Variants in TUT4 observed in about 807,000 individuals in gnomAD.
TUT4 encodes the protein terminal uridylyltransferase 4.
In TUT4, 36 loss-of-function variants were observed where a neutral mutation model predicts 192.2. The observed-to-expected ratio is 0.19, with a 90% CI of 0.14 to 0.25. The LOEUF is 0.25. TUT4 is among the 10% of genes least tolerant of loss of function. The pLI, the probability that TUT4 is intolerant of heterozygous loss-of-function variation, is 1.00. For missense variants in TUT4, 1,493 were observed against 1,957.2 expected (o/e 0.76, Z 4.47); for synonymous variants, 618 against 666.0 (o/e 0.93, Z 1.11).
At chr1:52,451,821 C>A (rs1570433108) in intron 20 of TUT4, among the ~76,000 whole-genome samples, 1 of 141,820 alleles carries the variant, frequency 7.1e-6, no homozygotes, top group Admixed American at 7.1e-5. Context: ...CCAGCCTGGG[C>A]AACAGAGTGA....
At chr1:52,429,970 A>C (rs1651509615) in intron 28 of TUT4, among the ~76,000 whole-genome samples, 2 of 151,864 alleles carry the variant, frequency 1.3e-5, no homozygotes, top group South Asian at 4.2e-4. Flanking sequence ...ATGTATTTTA[A>C]AGCTGGATGT....
At chr1:52,444,064 CCT>C (rs1354922796) in intron 24 of TUT4, among the ~76,000 whole-genome samples, 4 of 152,064 alleles carry the variant, frequency 2.6e-5, no homozygotes, top group African/African-American at 7.2e-5. Context: ...GGTGAAATCC[CCT>C]CTCTACTAAA....
At chr1:52,541,200 CTCTG>C (rs902196627) in intron 1 of TUT4, among the ~76,000 whole-genome samples, 2 of 144,260 alleles carry the variant, frequency 1.4e-5, no homozygotes, top group African/African-American at 5.2e-5. Flanking sequence ...CAGAGCGAGA[CTCTG>C]TCTTAAAAAA....
chr1:52,523,994 T>C (rs1681017901), intron 2 of TUT4, among the ~76,000 whole-genome samples: 1 of 152,168 alleles, frequency 6.6e-6, no homozygotes, highest in Non-Finnish European at 1.5e-5. Flanking sequence ...AAAAAAAGAT[T>C]ATAAAAGAAA....
At chr1:52,540,514 CAAA>C (rs541547657) in intron 1 of TUT4, among the ~76,000 whole-genome samples, 1 of 113,002 alleles carries the variant, frequency 8.8e-6, no homozygotes, top group Admixed American at 9.9e-5. Context: ...GACTCCGACT[CAAA>C]AAAAAAAAAA....
At chr1:52,441,744 G>A (rs1223934650) in intron 24 of TUT4, among the ~76,000 whole-genome samples, 1 of 152,122 alleles carries the variant, frequency 6.6e-6, no homozygotes, top group African/African-American at 2.4e-5. Flanking sequence ...ACTTAAAATT[G>A]TCTAGCTTTT....
At chr1:52,546,871 C>T (rs116729263) in intron 1 of TUT4, among the ~76,000 whole-genome samples, 2,234 of 152,088 alleles carry the variant, frequency 0.015, 50 homozygotes, top group African/African-American at 0.049. Flanking sequence ...ATGGCTCATA[C>T]CTGTAATCCT....
chr1:52,442,271 G>A (rs1655878780), intron 24 of TUT4, among the ~76,000 whole-genome samples: 1 of 151,752 alleles, frequency 6.6e-6, no homozygotes, highest in Admixed American at 6.6e-5. Context: ...GGGACAAAAT[G>A]GGTCAATATA....
At chr1:52,512,797 G>A (rs1313631229) in intron 3 of TUT4, among the ~76,000 whole-genome samples, 1 of 151,814 alleles carries the variant, frequency 6.6e-6, no homozygotes, top group African/African-American at 2.4e-5. Context: ...TAATGGTTTG[G>A]ACTTATTTCT....
intron 19 of TUT4, among the ~76,000 whole-genome samples, chr1:52,458,916 A>G (rs1233482888): frequency 6.6e-6 from 1 of 152,210 alleles, no homozygotes; most frequent in Non-Finnish European, 1.5e-5. Context: ...CTATTTTAAT[A>G]GCAAAAAATC....
chr1:52,477,124 C>T (rs1667303718), intron 12 of TUT4, among the ~76,000 whole-genome samples: 1 of 152,256 alleles, frequency 6.6e-6, no homozygotes, highest in South Asian at 2.1e-4. Flanking sequence ...TTATTCATAA[C>T]ATATTTTTCT....
At chr1:52,485,403 G>C (rs559675872) in intron 9 of TUT4, among the ~76,000 whole-genome samples, 1 of 151,984 alleles carries the variant, frequency 6.6e-6, no homozygotes, top group African/African-American at 2.4e-5. Context: ...CATATCATTC[G>C]CACAAAGAGA....
rs12402350 is a variant in TUT4 at position 52,486,394 on chromosome 1, G to T, written c.1515+2515C>A. 9.2e-3 allele frequency among the ~76,000 whole-genome samples: 1,393 copies of T among 152,092 alleles called. 14 individuals carry two copies. Among genetic ancestry groups the T allele is most frequent in the Admixed American group, 0.014 (218 of 15,280 alleles). The stretch of plus-strand genomic sequence containing the variant: ...GAAAACTATTTCCCATTACTAAAAT[G>T]CAAAGACTATAACTACTTAAGACAG... On this transcript the variant is annotated intron_variant, in intron 9 of 29. Transcript: ENST00000257177.
rs908687717 is a variant in TUT4, at chr1:52,440,433, G to GTTTT, written c.3823-2102_3823-2099dup. Among the ~76,000 whole-genome samples the GTTTT allele has an allele frequency of 2.1e-4, 23 of 110,142 alleles. 1 individual carries two copies. The highest frequency in any genetic ancestry group is 4.8e-4 in the Admixed American group (5 of 10,324). 72.3% of individuals were successfully genotyped at this position (110,142 alleles called of 152,430 possible). On this transcript the variant is annotated intron_variant, in intron 24 of 29. Transcript: ENST00000257177. ...GCATGAGCCACCATGCCCATCCTGT[G>GTTTT]TTTTTTTTTTTTTTTTTTTTTTAAA...
At chr1:52,534,016 CTTTCGATA>C (rs1253645702) in intron 1 of TUT4, among the ~76,000 whole-genome samples, 1 of 152,202 alleles carries the variant, frequency 6.6e-6, no homozygotes, top group Non-Finnish European at 1.5e-5. Flanking sequence ...TTATGTCCCA[CTTTCGATA>C]TTTCATTCTA....
intron 24 of TUT4, among the ~76,000 whole-genome samples, chr1:52,445,117 T>A (rs1025982528): frequency 6.6e-6 from 1 of 151,850 alleles, no homozygotes; most frequent in African/African-American, 2.4e-5. Flanking sequence ...AGAACCCTAA[T>A]ACATTTGTTC....
chr1:52,441,062 G>T (rs896594144), intron 24 of TUT4, among the ~76,000 whole-genome samples: 1 of 152,030 alleles, frequency 6.6e-6, no homozygotes, highest in Non-Finnish European at 1.5e-5. Context: ...CACAGATGAA[G>T]AGGTTGAAGA....
chr1:52,462,769 G>A lies in TUT4; in HGVS notation c.3070-1000C>T, dbSNP rs563339573. 8.6e-4 allele frequency: 846 copies of A among 985,140 alleles called. 2 individuals are homozygous for A. The highest frequency in any genetic ancestry group is 1.0e-3 in the Non-Finnish European group (827 of 829,730). 61.0% of individuals were successfully genotyped at this position (985,140 alleles called of 1,614,324 possible). A position where few individuals can be genotyped will look rare whatever the true frequency, so the allele number is the denominator to read the frequency against. On this transcript the variant is annotated intron_variant, in intron 16 of 29. Coordinates refer to ENST00000257177, the MANE Select transcript of TUT4 (RefSeq NM_001009881.3). ...TTTCTCCAAGGAAATTCTTACCTCT[G>A]TAAATTTAAATGTGTTACTCTTGTA...
intron 2 of TUT4, among the ~76,000 whole-genome samples, chr1:52,517,243 G>A (rs190665738): frequency 5.3e-5 from 8 of 152,162 alleles, no homozygotes; most frequent in East Asian, 3.9e-4. Context: ...ATTAGATGAC[G>A]GATTTCTTGA....
Sources: allele counts gnomAD v4.1 joint callset (sites outside exome capture counted in the v4.1 genomes callset), GRCh38; gene constraint gnomAD v4.1.1; transcripts MANE v1.5; gene names NCBI Gene and HGNC (gene_info 2026-07-23, HGNC 2026-07-21).